Variants in SSPN observed in about 807,000 individuals in gnomAD.
The protein encoded by SSPN is sarcospan.
Under a neutral mutation model 19.1 loss-of-function variants are expected in SSPN, and 15 were observed. That is an observed-to-expected ratio of 0.78 (90% CI 0.52 to 1.21). The LOEUF is 1.21. Ranked by LOEUF, SSPN falls within the 50% of genes most tolerant of loss-of-function variation. The probability of loss-of-function intolerance (pLI) is 0.00; values close to 1 mark genes in which losing one functional copy is unlikely to be tolerated. For missense variants in SSPN, 291 were observed against 314.0 expected (o/e 0.93, Z 0.55); for synonymous variants, 147 against 140.3 (o/e 1.05, Z -0.34).
At chr12:26,183,763 G>T (rs1262417346) in intron 1 of SSPN, among the ~76,000 whole-genome samples, 1 of 152,182 alleles carries the variant, frequency 6.6e-6, no homozygotes, top group Non-Finnish European at 1.5e-5. Context: ...TTGCTGGCTG[G>T]GCTTTGTAGC....
In SSPN at chr12:26,231,206, A is replaced by G. The variant is rs905040851; in HGVS notation, c.*130A>G. 1 of 1,273,170 alleles carries G rather than the reference A, an allele frequency of 7.9e-7. No homozygotes were observed. 78.9% of individuals were successfully genotyped at this position (1,273,170 alleles called of 1,614,324 possible). ...GTCACTCTTCTAATTGAATATTTTTATATTTTTATGAAACAAAAGAGCATT... is the reference window on the plus strand; with the variant it reads ...GTCACTCTTCTAATTGAATATTTTTGTATTTTTATGAAACAAAAGAGCATT... On this transcript the variant is annotated 3_prime_UTR_variant, in exon 3 of 3. Coordinates refer to ENST00000242729, the MANE Select transcript of SSPN (RefSeq NM_005086.5).
chr12:26,220,870 C>T (rs1291169461), intron 1 of SSPN, among the ~76,000 whole-genome samples: 2 of 152,174 alleles, frequency 1.3e-5, no homozygotes, highest in African/African-American at 4.8e-5. Flanking sequence ...TACTGTCACT[C>T]AAACACACCC....
intron 1 of SSPN, among the ~76,000 whole-genome samples, chr12:26,223,461 C>T (rs1425149264): frequency 5.9e-5 from 9 of 152,200 alleles, no homozygotes; most frequent in Non-Finnish European, 1.0e-4. Context: ...CCACCCGCCT[C>T]GGCCTCCCGA....
At chr12:26,171,678 G>A (rs1308782863) in intron 1 of SSPN, among the ~76,000 whole-genome samples, 2 of 151,748 alleles carry the variant, frequency 1.3e-5, no homozygotes, top group African/African-American at 4.8e-5. Flanking sequence ...ATTTATGTGG[G>A]TTTATAATTT....
upstream of SSPN, among the ~76,000 whole-genome samples, chr12:26,194,023 A>T (rs3809138): frequency 0.24 from 36,898 of 152,146 alleles, 5,064 homozygotes; most frequent in South Asian, 0.37. Context: ...AAATTTTCCA[A>T]TAGCAAACAA....
intron 1 of SSPN, among the ~76,000 whole-genome samples, chr12:26,144,876 A>T (rs1944480741): frequency 1.3e-5 from 2 of 152,220 alleles, no homozygotes; most frequent in Non-Finnish European, 2.9e-5. Flanking sequence ...TCATATTAAA[A>T]GTTATGAGTT....
rs187432745 is a variant in SSPN, at chr12:26,228,628, G to A, written c.367-2083G>A. Among the ~76,000 whole-genome samples the A allele has an allele frequency of 1.1e-4, 17 of 150,104 alleles. 1 individual carries two copies. Among genetic ancestry groups the A allele is most frequent in the Admixed American group, 3.4e-4 (5 of 14,866 alleles). The stretch of plus-strand genomic sequence containing the variant: ...AACTGTTCCCAGTTCTCTGCTGGCT[G>A]TACTGGGAATACAGCTACGATGGGT... On this transcript the variant is annotated intron_variant, in intron 2 of 2. Coordinates refer to ENST00000242729, the MANE Select transcript of SSPN (RefSeq NM_005086.5).
chr12:26,124,250 T>A, intron 1 of SSPN: 1 of 919,902 alleles, frequency 1.1e-6, no homozygotes, highest in Non-Finnish European at 1.7e-6. Flanking sequence ...ATTACCCTCG[T>A]CTGCCCCCCC....
At chr12:26,201,049 T>TATATATATATA (rs1944880333) in intron 1 of SSPN, among the ~76,000 whole-genome samples, 1 of 31,980 alleles carries the variant, frequency 3.1e-5, no homozygotes, top group Non-Finnish European at 7.0e-5. Context: ...ATATATATTA[T>TATATATATATA]ATATATATAT....
chr12:26,211,386 G>GT (rs1944984362), intron 1 of SSPN: 1 of 152,262 alleles, frequency 6.6e-6, no homozygotes, highest in African/African-American at 2.4e-5. Context: ...TCTCTTCTTG[G>GT]TTTTCTGTAA....
intron 1 of SSPN, among the ~76,000 whole-genome samples, chr12:26,156,721 T>C (rs1023122680): frequency 1.3e-5 from 2 of 152,122 alleles, no homozygotes; most frequent in Non-Finnish European, 2.9e-5. Flanking sequence ...GGGACAAATA[T>C]AGAGAGCAGC....
intron 1 of SSPN, among the ~76,000 whole-genome samples, chr12:26,223,436 C>T (rs1362355706): frequency 6.6e-6 from 1 of 152,254 alleles, no homozygotes; most frequent in Non-Finnish European, 1.5e-5. Flanking sequence ...TCTCAAACTC[C>T]TGACCTCAGG....
chr12:26,122,650 T>TGCC (rs772978905), intron 1 of SSPN: 7 of 1,346,580 alleles, frequency 5.2e-6, no homozygotes, highest in African/African-American at 1.5e-5. Context: ...CCGCCGCCGC[T>TGCC]GCCGCCGCCG....
chr12:26,214,733 A>C (rs931084693), intron 1 of SSPN: 2 of 152,156 alleles, frequency 1.3e-5, no homozygotes, highest in Non-Finnish European at 1.5e-5. Context: ...CACTTTATCC[A>C]ATTAGGGAAA....
intron 1 of SSPN, among the ~76,000 whole-genome samples, chr12:26,165,591 C>T (rs567131470): frequency 6.6e-6 from 1 of 152,276 alleles, no homozygotes; most frequent in Non-Finnish European, 1.5e-5. Flanking sequence ...AGATGCTTAA[C>T]AAATATTAAT....
intron 1 of SSPN, chr12:26,123,137 G>A (rs1490751572): frequency 1.9e-6 from 3 of 1,604,736 alleles, no homozygotes; most frequent in Non-Finnish European, 1.7e-6. Flanking sequence ...CATCCAAGTC[G>A]GACTGAATGG....
chr12:26,129,497 G>A (rs763829009), intron 1 of SSPN, among the ~76,000 whole-genome samples: 1 of 152,118 alleles, frequency 6.6e-6, no homozygotes, highest in Non-Finnish European at 1.5e-5. Flanking sequence ...AGGAGGGACG[G>A]CAATTCCACT....
Position 26,231,098 on chromosome 12 carries a change from G to T in SSPN, c.*22G>T, listed in dbSNP as rs779985562. ...CTAACATTCTTGCTCAAAGTTGCGA[G>T]AGAAAGTAGCACATGGAGTAGCTGA... On this transcript the variant is annotated 3_prime_UTR_variant, in exon 3 of 3. Transcript: ENST00000242729. 4.4e-6 allele frequency: 7 copies of T among 1,596,530 alleles called. No homozygotes were observed. In the African/African-American group the frequency reaches 8.1e-5, roughly 18 times the overall value.
At position 26,233,331 on chromosome 12, in the gene SSPN, G is replaced by GATATTTATATATATATATATATAT. The variant is rs1945254323; in HGVS notation, c.*2259_*2260insTTATATATATATATATATATATAT. 6.9e-6 allele frequency: 1 copy of GATATTTATATATATATATATATAT among 144,696 alleles called. No individual in the cohort carries two copies. Among genetic ancestry groups the GATATTTATATATATATATATATAT allele is most frequent in the African/African-American group, 2.7e-5 (1 of 36,616 alleles). The allele number at this position is 144,696 out of a possible 1,614,324, so 9.0% of individuals were successfully genotyped here. A position where few individuals can be genotyped will look rare whatever the true frequency, so the allele number is the denominator to read the frequency against. On this transcript the variant is annotated 3_prime_UTR_variant, in exon 3 of 3. Transcript: ENST00000242729. The surrounding 1 kb of genome is among the most constrained non-coding windows in gnomAD (Gnocchi z 4.3). ...CTTTATAATAGTATAACCGTCAGGA[G>GATATTTATATATATATATATATAT]ATATATATATATATATATACACATA...
Sources: allele counts gnomAD v4.1 joint callset (sites outside exome capture counted in the v4.1 genomes callset), GRCh38; gene constraint gnomAD v4.1.1; non-coding constraint Gnocchi (gnomAD v3.1); transcripts MANE v1.5; gene names NCBI Gene and HGNC (gene_info 2026-07-23, HGNC 2026-07-21).